The following SPAG16 variants were observed in gnomAD, a reference collection of about 807,000 sequenced individuals.
SPAG16 encodes the protein sperm associated antigen 16.
A neutral mutation model predicts 80.4 loss-of-function variants in SPAG16; 86 were observed. The observed-to-expected ratio is 1.07, with a 90% CI of 0.90 to 1.28. The LOEUF is 1.28. Ranked by LOEUF, SPAG16 falls within the 50% of genes most tolerant of loss-of-function variation. SPAG16 has a pLI of 0.00. For synonymous variants in SPAG16, 294 were observed against 265.9 expected, an observed-to-expected ratio of 1.11 and a Z score of -1.03; for missense variants, 870 against 765.3, an observed-to-expected ratio of 1.14 and a Z score of -1.61.
chr2:213,768,329 C>T (rs189926732), intron 10 of SPAG16, among the ~76,000 whole-genome samples: 2 of 152,212 alleles, frequency 1.3e-5, no homozygotes, highest in East Asian at 3.9e-4. Context: ...ATCAAATTTA[C>T]ATTTCATAAT....
intron 10 of SPAG16, among the ~76,000 whole-genome samples, chr2:213,594,709 C>T (rs540758700): frequency 6.6e-6 from 1 of 152,272 alleles, no homozygotes; most frequent in East Asian, 1.9e-4. Flanking sequence ...GAAGCAGGGA[C>T]TTGGCTGATG....
chr2:214,107,253 G>A lies in SPAG16; in HGVS notation c.1528-943G>A, dbSNP rs182666400. ...TCTCCTCCACTAGAATATAAGGTCC[G>A]TGAGAATAAGGTTCTTTGTCTATTT... On this transcript the variant is annotated intron_variant, in intron 13 of 15. Coordinates refer to ENST00000331683, the MANE Select transcript of SPAG16 (RefSeq NM_024532.5). Among the ~76,000 whole-genome samples the A allele has an allele frequency of 1.6e-4, 24 of 152,212 alleles. No homozygotes were observed. In the East Asian group the frequency reaches 3.3e-3, roughly 21 times the overall value.
At chr2:213,638,053 G>A (rs2062438527) in intron 10 of SPAG16, among the ~76,000 whole-genome samples, 1 of 152,106 alleles carries the variant, frequency 6.6e-6, no homozygotes, top group Non-Finnish European at 1.5e-5. Flanking sequence ...CATCGTGCCC[G>A]GCTGATCTTT....
At chr2:213,541,068 G>A (rs937834601) in intron 10 of SPAG16, among the ~76,000 whole-genome samples, 2 of 152,244 alleles carry the variant, frequency 1.3e-5, no homozygotes, top group Non-Finnish European at 2.9e-5. Context: ...TTCTGCCATT[G>A]ATTAGGTCAG....
chr2:213,683,782 T>C (rs1461649524), intron 10 of SPAG16, among the ~76,000 whole-genome samples: 2 of 152,236 alleles, frequency 1.3e-5, no homozygotes, highest in African/African-American at 4.8e-5. Context: ...GGTAGATATT[T>C]AGCAATGTTA....
At chr2:214,142,775 G>A (rs193020459) in intron 14 of SPAG16, among the ~76,000 whole-genome samples, 114 of 152,160 alleles carry the variant, frequency 7.5e-4, no homozygotes, top group Middle Eastern at 3.4e-3. Flanking sequence ...AACATTAGCC[G>A]GCAACTTTTG....
rs141179371 is a variant in SPAG16 at position 213,397,106 on chromosome 2, A to C, written c.942+21987A>C. Among the ~76,000 whole-genome samples the C allele has an allele frequency of 1.5e-3, 228 of 152,278 alleles. 2 individuals carry two copies. Among genetic ancestry groups the C allele is most frequent in the African/African-American group, 5.2e-3 (218 of 41,546 alleles). ...GGTTCTGGTAAATGTTTTAACAATCAACTCTTTGGAAGAAGAAAACAAAAG... is the reference window on the plus strand; with the variant it reads ...GGTTCTGGTAAATGTTTTAACAATCCACTCTTTGGAAGAAGAAAACAAAAG... On this transcript the variant is annotated intron_variant, in intron 9 of 15. Coordinates refer to ENST00000331683, the MANE Select transcript of SPAG16 (RefSeq NM_024532.5).
At chr2:213,681,582 G>A (rs2064384239) in intron 10 of SPAG16, among the ~76,000 whole-genome samples, 1 of 152,006 alleles carries the variant, frequency 6.6e-6, no homozygotes, top group Non-Finnish European at 1.5e-5. Context: ...TTCTGAGACA[G>A]GCATCCATTC....
chr2:214,101,261 G>A (rs1048941224), intron 13 of SPAG16, among the ~76,000 whole-genome samples: 2 of 152,034 alleles, frequency 1.3e-5, no homozygotes, highest in Middle Eastern at 3.4e-3. Context: ...GGCTAGGCTA[G>A]CTTGTGTTAT....
chr2:214,105,882 A>C (rs1333018336), intron 13 of SPAG16, among the ~76,000 whole-genome samples: 4 of 152,152 alleles, frequency 2.6e-5, no homozygotes, highest in Non-Finnish European at 4.4e-5. Context: ...TTTTAAACTT[A>C]TTTTAATTCA....
intron 12 of SPAG16, among the ~76,000 whole-genome samples, chr2:213,977,773 G>A (rs1208695805): frequency 6.6e-6 from 1 of 151,830 alleles, no homozygotes; most frequent in Non-Finnish European, 1.5e-5. Context: ...TTTTTATTTT[G>A]TACTGTCACT....
At chr2:213,453,090 C>T (rs1279703444) in intron 9 of SPAG16, among the ~76,000 whole-genome samples, 2 of 152,194 alleles carry the variant, frequency 1.3e-5, no homozygotes, top group African/African-American at 4.8e-5. Flanking sequence ...TTCCCTATCT[C>T]ATAGAACCTA....
chr2:214,349,571 A>C (rs1375864388), intron 15 of SPAG16, among the ~76,000 whole-genome samples: 1 of 152,210 alleles, frequency 6.6e-6, no homozygotes, highest in Non-Finnish European at 1.5e-5. Flanking sequence ...GTTAGCATAT[A>C]TCTTCATTTC....
intron 10 of SPAG16, among the ~76,000 whole-genome samples, chr2:213,516,183 G>T (rs2075416646): frequency 6.6e-6 from 1 of 152,138 alleles, no homozygotes. Flanking sequence ...GAAAGATTAA[G>T]AACCTACATT....
rs942975547 is a variant in SPAG16, at chr2:213,937,278, G to T, written c.1400+7133G>T. ...TTAAAACACGATAATGTAAGAAGAA[G>T]TATTAAGACTCAAGGGCATGGATTA... On this transcript the variant is annotated intron_variant, in intron 12 of 15. Transcript: ENST00000331683. 2.6e-5 allele frequency among the ~76,000 whole-genome samples: 4 copies of T among 152,032 alleles called. No individual in the cohort carries two copies. The South Asian group carries it at 8.3e-4, about 31-fold the overall frequency.
chr2:213,310,579 T>C (rs1172977579), intron 4 of SPAG16, among the ~76,000 whole-genome samples: 1 of 151,938 alleles, frequency 6.6e-6, no homozygotes, highest in Non-Finnish European at 1.5e-5. Context: ...CAGTCCTGCT[T>C]TACTTCCTTG....
At chr2:213,668,135 C>T (rs1221211325) in intron 10 of SPAG16, among the ~76,000 whole-genome samples, 1 of 151,910 alleles carries the variant, frequency 6.6e-6, no homozygotes, top group African/African-American at 2.4e-5. Context: ...GAAACGGTTT[C>T]ACCATGTTGG....
chr2:214,281,252 CT>C, intron 15 of SPAG16: 1 of 283,142 alleles, frequency 3.5e-6, no homozygotes, highest in South Asian at 4.3e-5. Context: ...ATCATATCCC[CT>C]TCTATACAGG....
At chr2:213,720,025 A>T (rs1206032077) in intron 10 of SPAG16, among the ~76,000 whole-genome samples, 1 of 152,206 alleles carries the variant, frequency 6.6e-6, no homozygotes, top group Non-Finnish European at 1.5e-5. Context: ...GGATGAGTTC[A>T]TGTCCTTTGC....
Sources: gnomAD v4.1 joint callset for allele counts (sites outside exome capture counted in the v4.1 genomes callset) on GRCh38, gnomAD v4.1.1 for gene constraint, MANE v1.5 for transcripts, NCBI Gene and HGNC (gene_info 2026-07-23, HGNC 2026-07-21) for gene names.